Variants in SIDT1 observed in about 807,000 individuals in gnomAD.
The protein encoded by SIDT1 is SID1 transmembrane family, member 1.
SIDT1 carries 101 observed loss-of-function variants against 107.5 expected under a neutral mutation model. That is an observed-to-expected ratio of 0.94 (90% CI 0.80 to 1.11). The LOEUF (loss-of-function observed/expected upper bound fraction) is 1.11. SIDT1 is among the 50% of genes least tolerant of loss of function. The pLI is 0.00. For missense variants in SIDT1, 1,076 were observed against 1,058.2 expected (o/e 1.02, Z -0.23); for synonymous variants, 395 against 398.2 (o/e 0.99, Z 0.10).
At chr3:113,600,119 G>C (rs1944853888) in intron 10 of SIDT1, among the ~76,000 whole-genome samples, 1 of 152,046 alleles carries the variant, frequency 6.6e-6, no homozygotes, top group Non-Finnish European at 1.5e-5. Flanking sequence ...AGACCAGCCT[G>C]GCCAACATGG....
At chr3:113,559,126 T>C (rs1941178462) in intron 1 of SIDT1, among the ~76,000 whole-genome samples, 1 of 152,248 alleles carries the variant, frequency 6.6e-6, no homozygotes, top group Non-Finnish European at 1.5e-5. Context: ...AATTTTATTG[T>C]TGCAACCAAT....
At chr3:113,626,908 C>T (rs1440916508) in intron 24 of SIDT1, among the ~76,000 whole-genome samples, 2 of 152,176 alleles carry the variant, frequency 1.3e-5, no homozygotes, top group Non-Finnish European at 2.9e-5. Flanking sequence ...CCGGGCTCCA[C>T]GCAAAGCGGG....
intron 1 of SIDT1, among the ~76,000 whole-genome samples, chr3:113,542,113 G>C (rs901320284): frequency 6.6e-6 from 1 of 151,600 alleles, no homozygotes; most frequent in East Asian, 1.9e-4. Context: ...AGTACAGACG[G>C]GTTTTCACCA....
At chr3:113,560,066 G>C (rs147133931) in intron 1 of SIDT1, among the ~76,000 whole-genome samples, 118 of 152,308 alleles carry the variant, frequency 7.7e-4, no homozygotes, top group African/African-American at 2.8e-3. Context: ...TTCCATCGCT[G>C]AGTATCCTTG....
At chr3:113,584,991 T>A (rs1433913974) in intron 8 of SIDT1, among the ~76,000 whole-genome samples, 186 bp from the exon 9 acceptor site, 1 of 152,168 alleles carries the variant, frequency 6.6e-6, no homozygotes, top group African/African-American at 2.4e-5. Context: ...TGGGAAGTCA[T>A]CATTGTGAAA....
rs766878196 is a variant in SIDT1, at chr3:113,567,668, A to G, written c.473A>G (p.Gln158Arg). 3 of 1,614,028 alleles carry G rather than the reference A, an allele frequency of 1.9e-6. No homozygotes were observed. The highest frequency in any genetic ancestry group is 2.2e-5 in the East Asian group (1 of 44,894). The change falls in exon 3 of 25, where the codon CAG (glutamine) becomes CGG (arginine). Residue 158 changes from glutamine to arginine, a missense_variant. Transcript: ENST00000264852. The stretch of plus-strand genomic sequence containing the variant: ...GCATCCATGGCACCCCTGGGTGCTC[A>G]GTACAAACTGCTAGTTACCAAGCTG... ...DVASMAPLGA[Q>R]YKLLVTKLKH...
the SIDT1 span, among the ~76,000 whole-genome samples, chr3:113,634,650 T>A: frequency 0.37 from 55,112 of 150,190 alleles, 10,013 homozygotes; most frequent in African/African-American, 0.42. Flanking sequence ...ACAAAAAAAA[T>A]AAAAATAGCC....
At position 113,627,765 on chromosome 3, in the gene SIDT1, A is replaced by C; in HGVS notation, c.*57A>C. 1 of 1,543,312 alleles carries C rather than the reference A, an allele frequency of 6.5e-7. No homozygotes were observed. The highest frequency in any genetic ancestry group is 8.9e-7 in the Non-Finnish European group (1 of 1,117,438). On this transcript the variant is annotated 3_prime_UTR_variant, in exon 25 of 25. Coordinates refer to ENST00000264852, the MANE Select transcript of SIDT1 (RefSeq NM_017699.3). ...TCAATCTTGGTGCTGTTTCACAAAA[A>C]TTACAGTGACCACAGCAAAGTAACC... is the stretch of plus-strand genomic sequence containing the variant.
At chr3:113,581,486 C>T in intron 6 of SIDT1, 42 bp downstream of exon 6, 1 of 1,471,980 alleles carries the variant, frequency 6.8e-7, no homozygotes, top group Non-Finnish European at 9.5e-7. Context: ...AATGGTAATG[C>T]TCAATAGATA....
intron 10 of SIDT1, among the ~76,000 whole-genome samples, chr3:113,599,058 G>A (rs1215696094): frequency 1.3e-5 from 2 of 152,216 alleles, no homozygotes; most frequent in African/African-American, 2.4e-5. Context: ...TGAACCCGGT[G>A]GTTGAGGCTA....
chr3:113,637,038 CAG>C, the SIDT1 span, among the ~76,000 whole-genome samples: 2 of 152,176 alleles, frequency 1.3e-5, no homozygotes, highest in Admixed American at 1.3e-4. Flanking sequence ...AGCCAGGTAA[CAG>C]GGGAACAACA....
At chr3:113,554,416 C>T (rs531196822) in intron 1 of SIDT1, among the ~76,000 whole-genome samples, 4 of 152,158 alleles carry the variant, frequency 2.6e-5, no homozygotes, top group South Asian at 2.1e-4. Context: ...GGGAGGGGAC[C>T]GATGGGAGGT....
chr3:113,576,399 A>T (rs2107472171), intron 3 of SIDT1, among the ~76,000 whole-genome samples: 1 of 152,234 alleles, frequency 6.6e-6, no homozygotes, highest in South Asian at 2.1e-4. Context: ...CTATTAGGGG[A>T]TAGTAAGGGC....
At chr3:113,535,814 T>A (rs549086766) in intron 1 of SIDT1, among the ~76,000 whole-genome samples, 2 of 152,356 alleles carry the variant, frequency 1.3e-5, no homozygotes, top group Non-Finnish European at 2.9e-5. Context: ...CCACTTATTG[T>A]GGGAAATTAA....
intron 1 of SIDT1, among the ~76,000 whole-genome samples, chr3:113,540,686 G>A (rs937485112): frequency 6.6e-6 from 1 of 152,116 alleles, no homozygotes; most frequent in African/African-American, 2.4e-5. Flanking sequence ...CATAGCTTCT[G>A]TCCTTGTCTT....
intron 1 of SIDT1, among the ~76,000 whole-genome samples, chr3:113,564,493 C>G (rs761483084): frequency 1.3e-5 from 2 of 152,124 alleles, no homozygotes; most frequent in South Asian, 2.1e-4. Context: ...GAAGACTAGA[C>G]AGCGGGCTGC....
chr3:113,613,984 T>TG (rs1206965514), intron 19 of SIDT1, among the ~76,000 whole-genome samples: 1 of 152,126 alleles, frequency 6.6e-6, no homozygotes, highest in Non-Finnish European at 1.5e-5. Flanking sequence ...AAGATGTGGA[T>TG]GGGGTAGAGG....
At chr3:113,588,060 T>C (rs922721019) in intron 9 of SIDT1, among the ~76,000 whole-genome samples, 3 of 152,222 alleles carry the variant, frequency 2.0e-5, no homozygotes, top group African/African-American at 7.2e-5. Flanking sequence ...AACAGGAGTG[T>C]TCCTCATTAG....
intron 9 of SIDT1, among the ~76,000 whole-genome samples, chr3:113,589,617 T>C (rs1305766970): frequency 7.2e-6 from 1 of 139,464 alleles, no homozygotes; most frequent in East Asian, 2.3e-4. Flanking sequence ...CACTGTAACC[T>C]CTGCCTCCTG....
Sources: gnomAD v4.1 joint callset for allele counts (sites outside exome capture counted in the v4.1 genomes callset) on GRCh38, gnomAD v4.1.1 for gene constraint, MANE v1.5 for transcripts, NCBI Gene and HGNC (gene_info 2026-07-23, HGNC 2026-07-21) for gene names.